GLB1: variants seen among roughly 807,000 people sequenced by gnomAD.
GLB1 encodes the protein beta-galactosidase.
GLB1 carries 56 observed loss-of-function variants against 74.0 expected under a neutral mutation model. That is an observed-to-expected ratio of 0.76 (90% confidence interval 0.61 to 0.94). GLB1 has a LOEUF of 0.94. Ranked by LOEUF, GLB1 falls within the 40% of genes least tolerant of loss-of-function variation. The pLI, the probability that GLB1 is intolerant of heterozygous loss-of-function variation, is 0.00. For synonymous variants in GLB1, 323 were observed against 323.6 expected, an observed-to-expected ratio of 1.00 and a Z score of 0.02; for missense variants, 787 against 845.5, an observed-to-expected ratio of 0.93 and a Z score of 0.86.
At chr3:33,039,891 T>C (rs1698432715) in intron 10 of GLB1, among the ~76,000 whole-genome samples, 1 of 152,164 alleles carries the variant, frequency 6.6e-6, no homozygotes, top group Non-Finnish European at 1.5e-5. Flanking sequence ...AAAAGACCTA[T>C]ACCATCAAAG....
At chr3:32,997,486 G>T in intron 15 of GLB1, 142 bp from the exon 16 acceptor site, 1 of 1,395,016 alleles carries the variant, frequency 7.2e-7, no homozygotes, top group African/African-American at 1.4e-5. Context: ...CCAGGCCCAT[G>T]CCAGCCTTGG....
intron 10 of GLB1, chr3:33,034,585 C>A: frequency 1.4e-6 from 1 of 719,134 alleles, no homozygotes. Flanking sequence ...GTGATGATGC[C>A]TTGGGAAATA....
chr3:33,093,242 G>GCCACTA lies in GLB1; in HGVS notation c.75+3768_75+3769insTAGTGG, dbSNP rs1553614874. On this transcript the variant is annotated intron_variant, in intron 1 of 15. Transcript: ENST00000307363. The surrounding 1 kb of genome is among the most constrained non-coding windows in gnomAD (Gnocchi z 6.0). ...CCTCATCCTCACTCCCACTGCCACT[G>GCCACTA]CCACCACCACCACGTTGGGCCCGTG... The GCCACTA allele has an allele frequency of 1.2e-6, 2 of 1,614,096 alleles. No homozygotes were observed. Among genetic ancestry groups the GCCACTA allele is most frequent in the Non-Finnish European group, 8.5e-7 (1 of 1,179,996 alleles).
intron 9 of GLB1, among the ~76,000 whole-genome samples, chr3:33,047,919 T>C (rs1698805474): frequency 6.6e-6 from 1 of 151,924 alleles, no homozygotes; most frequent in African/African-American, 2.4e-5. Flanking sequence ...AAGGGATTCA[T>C]AGGTTAAAAC....
At chr3:33,072,804 T>C (rs1321405981) in intron 1 of GLB1, 91 bp from the exon 2 acceptor site, 16 of 1,568,488 alleles carry the variant, frequency 1.0e-5, no homozygotes, top group Admixed American at 9.1e-5. Context: ...TCTCTGCCTA[T>C]TGAATTTGTA....
At chr3:33,025,628 C>T (rs1429810062) in intron 10 of GLB1, among the ~76,000 whole-genome samples, 1 of 133,580 alleles carries the variant, frequency 7.5e-6, no homozygotes, top group African/African-American at 2.8e-5. Context: ...TGGGCCGTGG[C>T]GGTGGGAGCA....
At chr3:33,004,868 A>G (rs1696722944) in intron 15 of GLB1, among the ~76,000 whole-genome samples, 1 of 152,160 alleles carries the variant, frequency 6.6e-6, no homozygotes, top group South Asian at 2.1e-4. Flanking sequence ...AGACCCCCAA[A>G]GGTGGGCTCC....
In GLB1 at chr3:33,046,190, T is replaced by C. The variant is rs370107958; in HGVS notation, c.998A>G (p.Tyr333Cys). ...CCCAGCCTCACTCAGTGGGGCATCATAGTCGTAGCTGGTGGGCTGTGCTGC... is the reference window on the plus strand; with the variant it reads ...CCCAGCCTCACTCAGTGGGGCATCACAGTCGTAGCTGGTGGGCTGTGCTGC... ...PYAAQPTSYD[Y>C]DAPLSEAGDL... Residue 333 changes from tyrosine (Y) to cysteine (C), a missense_variant, in exon 10 of 16, where the codon TAT (tyrosine) becomes TGT (cysteine). Transcript: ENST00000307363. 2 of 1,614,030 alleles carry C rather than the reference T, an allele frequency of 1.2e-6. No individual in the cohort carries two copies. The highest frequency in any genetic ancestry group is 1.7e-6 in the Non-Finnish European group (2 of 1,180,002).
At chr3:33,086,992 A>C (rs888898818) in intron 1 of GLB1, among the ~76,000 whole-genome samples, 10 of 151,996 alleles carry the variant, frequency 6.6e-5, no homozygotes, top group African/African-American at 7.2e-5. Flanking sequence ...GGAAAAAAAA[A>C]CAGTTGGTTT....
chr3:32,993,522 ATTTTTT>A (rs746774682), downstream of GLB1, among the ~76,000 whole-genome samples: 6 of 62,286 alleles, frequency 9.6e-5, no homozygotes, highest in African/African-American at 1.3e-4. Flanking sequence ...CATCCAGCTA[ATTTTTT>A]TTTTTTTTTT....
intron 10 of GLB1, 166 bp from the exon 11 acceptor site, chr3:33,024,491 A>C (rs1036965196): frequency 1.4e-6 from 1 of 702,368 alleles, no homozygotes; most frequent in African/African-American, 1.8e-5. Flanking sequence ...AGGATCTGGT[A>C]AATTTTTTAC....
intron 1 of GLB1, chr3:33,092,597 A>C (rs1700811379): frequency 7.5e-7 from 1 of 1,328,216 alleles, no homozygotes. Context: ...AATATATGTG[A>C]CCTTAGTGAT....
chr3:33,018,933 A>C (rs929423943), intron 12 of GLB1, among the ~76,000 whole-genome samples: 2 of 152,202 alleles, frequency 1.3e-5, no homozygotes, highest in Non-Finnish European at 2.9e-5. Flanking sequence ...ACAAAAAAAC[A>C]AGGCAAACAA....
chr3:33,077,475 CA>C lies in GLB1; in HGVS notation c.76-4763del, dbSNP rs1386005711. 16 of 723,104 alleles carry C rather than the reference CA, an allele frequency of 2.2e-5. No individual in the cohort carries two copies. In the African/African-American group the frequency reaches 2.8e-4, roughly 13 times the overall value. 44.8% of individuals were successfully genotyped at this position (723,104 alleles called of 1,614,324 possible). On this transcript the variant is annotated intron_variant, in intron 1 of 15. Transcript: ENST00000307363. ...ACAACCGATATGTTCCAACAGCAGT[CA>C]GGGGGTGTCTACTAAAAAGGGAACC...
chr3:32,987,051 T>G, the GLB1 span, among the ~76,000 whole-genome samples: 11 of 152,322 alleles, frequency 7.2e-5, no homozygotes, highest in African/African-American at 2.4e-4. Flanking sequence ...CCATGAGCGT[T>G]GGCTGCTAAC....
At chr3:33,075,205 A>G (rs1430383039) in intron 1 of GLB1, among the ~76,000 whole-genome samples, 1 of 152,250 alleles carries the variant, frequency 6.6e-6, no homozygotes, top group Non-Finnish European at 1.5e-5. Flanking sequence ...GTTCCTCACA[A>G]GTTTCCTAAG....
At chr3:33,026,692 C>T (rs114911458) in intron 10 of GLB1, among the ~76,000 whole-genome samples, 3,361 of 152,198 alleles carry the variant, frequency 0.022, 129 homozygotes, top group African/African-American at 0.075. Context: ...TCAGCAAGAC[C>T]AGAAGATGGA....
intron 5 of GLB1, among the ~76,000 whole-genome samples, chr3:33,059,256 C>T (rs879461209): frequency 0.03 from 2,701 of 90,728 alleles, 40 homozygotes; most frequent in Non-Finnish European, 0.039. Flanking sequence ...CACACACACA[C>T]ACACACACAC....
rs1559404724 is a variant in GLB1 at position 33,058,278 on chromosome 3, GAA to G, written c.553-11_553-10del. ...CCATATTCATTTTCAACCTGTGAGT[GAA>G]AAAAGAGCAGGGAAAAATGAGGAGA... On this transcript the variant is annotated splice_polypyrimidine_tract_variant and intron_variant, in intron 5 of 15. Transcript: ENST00000307363. The G allele has an allele frequency of 6.2e-7, 1 of 1,613,950 alleles. No individual in the cohort carries two copies. Among genetic ancestry groups the G allele is most frequent in the African/African-American group, 1.3e-5 (1 of 75,020 alleles).
Sources: gnomAD v4.1 joint callset for allele counts (sites outside exome capture counted in the v4.1 genomes callset) on GRCh38, gnomAD v4.1.1 for gene constraint, Gnocchi (gnomAD v3.1) non-coding constraint, MANE v1.5 for transcripts, NCBI Gene and HGNC (gene_info 2026-07-23, HGNC 2026-07-21) for gene names.